Variants in DAPK1 observed in about 807,000 individuals in gnomAD.
DAPK1 encodes the protein death-associated protein kinase 1.
In DAPK1, 56 loss-of-function variants were observed where a neutral mutation model predicts 144.9. That is an observed-to-expected ratio of 0.39 (90% confidence interval 0.31 to 0.48). DAPK1 has a LOEUF of 0.48. DAPK1 is among the 20% of genes least tolerant of loss of function. The pLI is 0.95. For synonymous variants in DAPK1, 690 were observed against 749.0 expected (o/e 0.92, Z 1.29); for missense variants, 1,454 against 1,875.4 (o/e 0.78, Z 4.15).
At chr9:87,539,298 G>A (rs1825960296) in intron 2 of DAPK1, among the ~76,000 whole-genome samples, 1 of 152,048 alleles carries the variant, frequency 6.6e-6, no homozygotes, top group South Asian at 2.1e-4. Context: ...GATTGTGAAA[G>A]CTAAGTACGG....
chr9:87,570,066 C>A (rs913947875), intron 2 of DAPK1, among the ~76,000 whole-genome samples: 13 of 152,010 alleles, frequency 8.6e-5, no homozygotes, highest in African/African-American at 3.1e-4. Flanking sequence ...TTCTTTTACA[C>A]CTTATCTTGA....
intron 18 of DAPK1, among the ~76,000 whole-genome samples, chr9:87,666,032 G>C (rs1224177219): frequency 6.6e-6 from 1 of 152,194 alleles, no homozygotes; most frequent in Non-Finnish European, 1.5e-5. Context: ...GTGTCCAGTA[G>C]AGCCAAGACC....
At chr9:87,640,906 C>A in intron 9 of DAPK1, 59 bp downstream of exon 9, 1 of 1,521,016 alleles carries the variant, frequency 6.6e-7, no homozygotes. Flanking sequence ...TTTGGGCACC[C>A]TGGTATTCAT....
In DAPK1 at chr9:87,605,896, G is replaced by A. The variant is rs1004156196; in HGVS notation, c.284+721G>A. ...TCCATCAGCACATGCTGGCGAGAGA[G>A]GACAGGAAGCCAGCTTGGGGCGCAC... On this transcript the variant is annotated intron_variant, in intron 3 of 25. Transcript: ENST00000408954. Among the ~76,000 whole-genome samples, 5 of 152,298 alleles carry A rather than the reference G, an allele frequency of 3.3e-5. No homozygotes were observed. The East Asian group carries it at 5.8e-4, about 18-fold the overall frequency.
intron 2 of DAPK1, among the ~76,000 whole-genome samples, chr9:87,568,836 C>G (rs1319620196): frequency 1.3e-5 from 2 of 152,152 alleles, no homozygotes; most frequent in Admixed American, 1.3e-4. Context: ...ATCATTTACT[C>G]CCTGGGTGGG....
At chr9:87,698,820 G>C (rs372618659) in intron 23 of DAPK1, 26 bp downstream of exon 23, 90 of 1,496,572 alleles carry the variant, frequency 6.0e-5, no homozygotes, top group Non-Finnish European at 8.1e-5. Context: ...TTAGTCTCCA[G>C]CTCACGGGTA....
At chr9:87,607,796 C>T (rs1045134916) in intron 3 of DAPK1, among the ~76,000 whole-genome samples, 5 of 152,142 alleles carry the variant, frequency 3.3e-5, no homozygotes, top group Admixed American at 1.3e-4. Flanking sequence ...TGCCTAACCC[C>T]TGGCAAGCCC....
intron 2 of DAPK1, among the ~76,000 whole-genome samples, chr9:87,580,368 T>TA (rs1827709409): frequency 1.3e-5 from 2 of 149,950 alleles, no homozygotes; most frequent in Non-Finnish European, 2.9e-5. Context: ...TGTGAATAGT[T>TA]ACCTTCTATG....
chr9:87,673,573 C>A (rs1399433245), intron 19 of DAPK1, among the ~76,000 whole-genome samples: 1 of 152,104 alleles, frequency 6.6e-6, no homozygotes, highest in Non-Finnish European at 1.5e-5. Flanking sequence ...ACTGCTGAGG[C>A]CAAGGCTACA....
chr9:87,559,532 A>G (rs1041218194), intron 2 of DAPK1, among the ~76,000 whole-genome samples: 10 of 152,166 alleles, frequency 6.6e-5, no homozygotes, highest in African/African-American at 2.4e-4. Context: ...CACCGTGACT[A>G]GTAGCTACTG....
intron 21 of DAPK1, among the ~76,000 whole-genome samples, chr9:87,689,228 G>A (rs1289574938): frequency 2.0e-5 from 3 of 151,916 alleles, no homozygotes; most frequent in Admixed American, 6.6e-5. Flanking sequence ...CAACTTTGTC[G>A]CAGATTGGGT....
chr9:87,668,314 C>A, intron 18 of DAPK1: 1 of 402,326 alleles, frequency 2.5e-6, no homozygotes, highest in Non-Finnish European at 4.5e-6. Flanking sequence ...GCTGAGGAGG[C>A]TGTTGAGTTG....
chr9:87,542,004 A>T (rs1490918808), intron 2 of DAPK1, among the ~76,000 whole-genome samples: 1 of 152,228 alleles, frequency 6.6e-6, no homozygotes, highest in Admixed American at 6.5e-5. Context: ...AGATTGTTTT[A>T]GACCCTGAAT....
chr9:87,513,694 G>A (rs1824937457), intron 2 of DAPK1, among the ~76,000 whole-genome samples: 1 of 152,232 alleles, frequency 6.6e-6, no homozygotes, highest in Admixed American at 6.5e-5. Flanking sequence ...GCTAAGCCAT[G>A]TCTGGAAATT....
chr9:87,653,134 C>G, intron 17 of DAPK1, among the ~76,000 whole-genome samples: 1 of 144,278 alleles, frequency 6.9e-6, no homozygotes, highest in South Asian at 2.4e-4. Context: ...CACCTGATCC[C>G]AGGTCCTGAT....
chr9:87,623,103 G>C (rs534292665), intron 3 of DAPK1, among the ~76,000 whole-genome samples: 1 of 152,194 alleles, frequency 6.6e-6, no homozygotes, highest in East Asian at 1.9e-4. Context: ...AAGCACAATT[G>C]TTTATTATGC....
At chr9:87,634,662 G>A (rs905484369) in intron 3 of DAPK1, among the ~76,000 whole-genome samples, 5 of 152,204 alleles carry the variant, frequency 3.3e-5, no homozygotes, top group Non-Finnish European at 7.3e-5. Flanking sequence ...CTGTCAGACC[G>A]TCTTCGGAAA....
chr9:87,637,901 A>G, intron 3 of DAPK1, 42 bp from the exon 4 acceptor site: 1 of 1,602,840 alleles, frequency 6.2e-7, no homozygotes, highest in Non-Finnish European at 8.5e-7. Context: ...AATCAATATG[A>G]AACAGAGTTG....
chr9:87,637,720 G>A (rs540349560), intron 3 of DAPK1, among the ~76,000 whole-genome samples: 4 of 152,196 alleles, frequency 2.6e-5, no homozygotes, highest in South Asian at 2.1e-4. Context: ...TTGTGAACAC[G>A]GAACCTTAGG....
Sources: gnomAD v4.1 joint callset for allele counts (sites outside exome capture counted in the v4.1 genomes callset) on GRCh38, gnomAD v4.1.1 for gene constraint, MANE v1.5 for transcripts, NCBI Gene and HGNC (gene_info 2026-07-23, HGNC 2026-07-21) for gene names.